The following ATRNL1 variants were observed in gnomAD, a reference collection of about 807,000 sequenced individuals.
ATRNL1 encodes the protein attractin like 1.
In ATRNL1, 95 loss-of-function variants were observed where a neutral mutation model predicts 182.7. The ratio of observed to expected loss-of-function variants is 0.52; its 90% CI spans 0.44 to 0.62. The LOEUF (loss-of-function observed/expected upper bound fraction) is 0.62, where lower values mean the gene tolerates loss of function less well. Among genes scored for constraint, ATRNL1 ranks in the 20% least tolerant of loss-of-function variants. ATRNL1 has a pLI of 0.00. For missense variants in ATRNL1, 1,471 were observed against 1,679.5 expected (o/e 0.88, Z 2.17); for synonymous variants, 576 against 568.3 (o/e 1.01, Z -0.19).
In ATRNL1 at chr10:115,298,207, A is replaced by G. The variant is rs1190274626; in HGVS notation, c.2416-1827A>G. On this transcript the variant is annotated intron_variant, in intron 15 of 28. Transcript: ENST00000355044. ...CTTTTTTGGCAAATAAAGATTGACA[A>G]ATTCATGCACTTTATAGAGATATCT... 2.6e-5 allele frequency among the ~76,000 whole-genome samples: 4 copies of G among 152,306 alleles called. No homozygotes were observed. In the South Asian group the frequency reaches 8.3e-4, roughly 32 times the overall value.
intron 27 of ATRNL1, among the ~76,000 whole-genome samples, chr10:115,728,906 A>G (rs1379674554): frequency 6.6e-6 from 1 of 152,210 alleles, no homozygotes; most frequent in Admixed American, 6.5e-5. Context: ...CTTGTTTCAA[A>G]TAACTTTTAT....
At chr10:115,157,015 C>T (rs1450477837) in intron 5 of ATRNL1, among the ~76,000 whole-genome samples, 1 of 151,826 alleles carries the variant, frequency 6.6e-6, no homozygotes, top group Non-Finnish European at 1.5e-5. Context: ...TATAGTCAGA[C>T]AGAGGTAATA....
At chr10:115,523,049 G>T (rs1851028296) in intron 25 of ATRNL1, among the ~76,000 whole-genome samples, 2 of 152,028 alleles carry the variant, frequency 1.3e-5, no homozygotes, top group South Asian at 4.1e-4. Flanking sequence ...TGTCTGCAGG[G>T]TCTCCACCCC....
intron 28 of ATRNL1, among the ~76,000 whole-genome samples, chr10:115,913,153 G>A (rs1555116347): frequency 6.6e-6 from 1 of 152,174 alleles, no homozygotes; most frequent in African/African-American, 2.4e-5. Context: ...TGCAGTATGT[G>A]TCTAAAGTAA....
rs1039463173 is a variant in ATRNL1, at chr10:115,500,574, G to T, written c.3655-18689G>T. 9.2e-5 allele frequency among the ~76,000 whole-genome samples: 14 copies of T among 151,634 alleles called. No homozygotes were observed. In the South Asian group the frequency reaches 1.0e-3, roughly 11 times the overall value. On this transcript the variant is annotated intron_variant, in intron 24 of 28. Transcript: ENST00000355044. ...AATTTTTTTTTTGAAATGGAGTTTTGCTCTTGTTGCCCAGGCTGGAGTGCA... is the reference window on the plus strand; with the variant it reads ...AATTTTTTTTTTGAAATGGAGTTTTTCTCTTGTTGCCCAGGCTGGAGTGCA...
intron 8 of ATRNL1, among the ~76,000 whole-genome samples, chr10:115,179,197 G>A (rs930017463): frequency 6.6e-6 from 1 of 152,112 alleles, no homozygotes; most frequent in African/African-American, 2.4e-5. Context: ...TGCTGTGCTT[G>A]ATGTCCTCTA....
At chr10:115,441,346 T>C (rs756850921) in intron 21 of ATRNL1, among the ~76,000 whole-genome samples, 2 of 151,864 alleles carry the variant, frequency 1.3e-5, no homozygotes, top group Non-Finnish European at 2.9e-5. Context: ...TTGCCTAAAC[T>C]TGTCACCAAA....
At chr10:115,358,460 A>C (rs1856598580) in intron 19 of ATRNL1, among the ~76,000 whole-genome samples, 1 of 151,324 alleles carries the variant, frequency 6.6e-6, no homozygotes, top group Admixed American at 6.6e-5. Context: ...TTTGCAATTT[A>C]CATTTTACTC....
At chr10:115,590,188 T>C (rs78933606) in intron 26 of ATRNL1, among the ~76,000 whole-genome samples, 213 of 152,358 alleles carry the variant, frequency 1.4e-3, no homozygotes, top group African/African-American at 4.6e-3. Context: ...GTCTTAGTGC[T>C]TCTTTCAGAT....
At chr10:115,742,583 C>T (rs2532696) in intron 27 of ATRNL1, among the ~76,000 whole-genome samples, 144,639 of 152,200 alleles carry the variant, frequency 0.95, 69,144 homozygotes, top group East Asian at 1. Context: ...CATCTCCTTT[C>T]ACTCTATTCT....
intron 5 of ATRNL1, among the ~76,000 whole-genome samples, chr10:115,148,626 ACACACAATGAGTGGGTTTAAGAG>A (rs1846073594): frequency 1.3e-5 from 2 of 152,242 alleles, no homozygotes; most frequent in South Asian, 4.1e-4. Context: ...GAAGACGTGG[ACACACAATGAGTGGGTTTAAGAG>A]CAGAAAGTTT....
At chr10:115,414,681 G>A (rs1780317538) in intron 20 of ATRNL1, among the ~76,000 whole-genome samples, 1 of 151,724 alleles carries the variant, frequency 6.6e-6, no homozygotes, top group South Asian at 2.1e-4. Context: ...AAGTAAAGCT[G>A]TATGAGCTGT....
At chr10:115,883,608 A>C (rs934637236) in intron 28 of ATRNL1, among the ~76,000 whole-genome samples, 1 of 152,258 alleles carries the variant, frequency 6.6e-6, no homozygotes, top group African/African-American at 2.4e-5. Flanking sequence ...CATAAGGTTG[A>C]GCTAAAACAC....
chr10:115,528,617 A>G (rs1234201899), intron 25 of ATRNL1, among the ~76,000 whole-genome samples: 1 of 149,298 alleles, frequency 6.7e-6, no homozygotes, highest in Non-Finnish European at 1.5e-5. Flanking sequence ...TTGTTTTTCT[A>G]TTTTCTCTAT....
chr10:115,800,174 G>A (rs1949759789), intron 27 of ATRNL1, among the ~76,000 whole-genome samples: 1 of 151,554 alleles, frequency 6.6e-6, no homozygotes, highest in Admixed American at 6.6e-5. Context: ...TTGCCAAGAT[G>A]GCTCCATTGC....
intron 26 of ATRNL1, among the ~76,000 whole-genome samples, chr10:115,598,168 G>T (rs142718957): frequency 6.6e-6 from 1 of 151,226 alleles, no homozygotes; most frequent in African/African-American, 2.4e-5. Context: ...TAAAACAATA[G>T]CATCAGCATA....
intron 26 of ATRNL1, among the ~76,000 whole-genome samples, chr10:115,711,402 C>T (rs1388743074): frequency 4.6e-5 from 7 of 152,174 alleles, no homozygotes; most frequent in Non-Finnish European, 8.8e-5. Context: ...GAATTAATCA[C>T]TTCACCTCCT....
At chr10:115,434,641 T>C (rs1019277093) in intron 21 of ATRNL1, among the ~76,000 whole-genome samples, 8 of 152,190 alleles carry the variant, frequency 5.3e-5, no homozygotes, top group Non-Finnish European at 1.0e-4. Context: ...TCCAAAGATA[T>C]CATAACTTCC....
chr10:115,108,293 G>C (rs1323587335), intron 1 of ATRNL1, among the ~76,000 whole-genome samples: 1 of 152,154 alleles, frequency 6.6e-6, no homozygotes, highest in Non-Finnish European at 1.5e-5. Flanking sequence ...TACATTGTCT[G>C]GGGTATATAC....
Sources: allele counts gnomAD v4.1 joint callset (sites outside exome capture counted in the v4.1 genomes callset), GRCh38; gene constraint gnomAD v4.1.1; transcripts MANE v1.5; gene names NCBI Gene and HGNC (gene_info 2026-07-23, HGNC 2026-07-21).